Variants in JAK1 observed in about 807,000 individuals in gnomAD.
The protein encoded by JAK1 is Janus kinase 1.
Under a neutral mutation model 136.6 loss-of-function variants are expected in JAK1, and 16 were observed. The ratio of observed to expected loss-of-function variants is 0.12; its 90% CI spans 0.08 to 0.18. The LOEUF is 0.18. Ranked by LOEUF, JAK1 falls within the 10% of genes least tolerant of loss-of-function variation. JAK1 has a pLI of 1.00. For synonymous variants in JAK1, 492 were observed against 519.5 expected, an observed-to-expected ratio of 0.95 and a Z score of 0.72; for missense variants, 859 against 1,450.1, an observed-to-expected ratio of 0.59 and a Z score of 6.62.
At chr1:64,923,472 C>G (rs190852257) in intron 1 of JAK1, among the ~76,000 whole-genome samples, 3 of 152,280 alleles carry the variant, frequency 2.0e-5, no homozygotes, top group African/African-American at 7.2e-5. Context: ...ATTAAACACA[C>G]ATTTTTTAAC....
chr1:64,939,177 C>T (rs1040981388), intron 1 of JAK1, among the ~76,000 whole-genome samples: 1 of 152,228 alleles, frequency 6.6e-6, no homozygotes, highest in African/African-American at 2.4e-5. Context: ...CCCCAGGGCA[C>T]ACTTTTCTGG....
chr1:64,996,478 T>C (rs2100736948), intron 2 of JAK1, among the ~76,000 whole-genome samples: 1 of 152,374 alleles, frequency 6.6e-6, no homozygotes, highest in East Asian at 1.9e-4. Context: ...GATAATTACA[T>C]TTGTAGAGAA....
upstream of JAK1, among the ~76,000 whole-genome samples, chr1:64,969,946 C>T (rs570966255): frequency 5.0e-4 from 76 of 151,786 alleles, no homozygotes; most frequent in African/African-American, 1.7e-3. Flanking sequence ...GACCAGCTTG[C>T]GCAACATGGC....
intron 17 of JAK1, among the ~76,000 whole-genome samples, chr1:64,843,579 T>A (rs1157995950): frequency 1.3e-5 from 2 of 152,186 alleles, no homozygotes; most frequent in Non-Finnish European, 2.9e-5. Context: ...CTTTCTGGAA[T>A]TCTTACCGTT....
chr1:65,048,160 T>C (rs1203580646), intron 1 of JAK1, among the ~76,000 whole-genome samples: 1 of 151,638 alleles, frequency 6.6e-6, no homozygotes, highest in Admixed American at 6.6e-5. Context: ...CATAGCCTCA[T>C]TTGTCAAGGA....
intron 5 of JAK1, among the ~76,000 whole-genome samples, chr1:64,872,651 G>A (rs1017710153): frequency 1.3e-5 from 2 of 152,126 alleles, no homozygotes; most frequent in African/African-American, 4.8e-5. Context: ...CAAATAGTAC[G>A]CAGACATCCA....
chr1:64,970,941 C>T (rs74080232), upstream of JAK1, among the ~76,000 whole-genome samples: 3,536 of 152,228 alleles, frequency 0.023, 157 homozygotes, highest in African/African-American at 0.081. Flanking sequence ...AACCACCCAA[C>T]CATCAATCAT....
At chr1:64,973,890 G>T (rs572649878) in intron 2 of JAK1, 6 of 152,196 alleles carry the variant, frequency 3.9e-5, no homozygotes, top group African/African-American at 1.4e-4. Flanking sequence ...AATATAATGG[G>T]AAGGAAAGGG....
chr1:65,032,504 AAACAAC>A (rs148163509), intron 2 of JAK1, among the ~76,000 whole-genome samples: 25 of 151,886 alleles, frequency 1.6e-4, no homozygotes, highest in Non-Finnish European at 3.1e-4. Context: ...AATATATGCA[AAACAAC>A]AACAACAACA....
At chr1:65,018,738 C>G (rs369307681) in intron 2 of JAK1, among the ~76,000 whole-genome samples, 2 of 152,174 alleles carry the variant, frequency 1.3e-5, no homozygotes, top group Non-Finnish European at 2.9e-5. Context: ...AGGCCGGGCC[C>G]GGCGGCTCAC....
At chr1:65,029,941 C>T (rs1243308562) in intron 2 of JAK1, among the ~76,000 whole-genome samples, 1 of 150,686 alleles carries the variant, frequency 6.6e-6, no homozygotes, top group Non-Finnish European at 1.5e-5. Context: ...TACTTCTGAA[C>T]TTAAAAGTTA....
chr1:64,932,345 G>A (rs1645712343), intron 1 of JAK1, among the ~76,000 whole-genome samples: 1 of 152,092 alleles, frequency 6.6e-6, no homozygotes, highest in Admixed American at 6.6e-5. Context: ...CCAGGGAGTC[G>A]GATGTTGCAG....
In JAK1 at chr1:64,918,747, T is replaced by C. The variant is rs892877824; in HGVS notation, c.-77-32406A>G. 38 of 162,780 alleles carry C rather than the reference T, an allele frequency of 2.3e-4. 1 individual carries two copies. The East Asian group carries it at 3.3e-3, about 14-fold the overall frequency. The allele number at this position is 162,780 out of a possible 1,614,324, so 10.1% of individuals were successfully genotyped here. ...ATCTTCCAGAAGCTAGCTGCACTAT[T>C]TTCCACTTAACTAGGAAATATTTCT... On this transcript the variant is annotated intron_variant, in intron 1 of 24. Coordinates refer to ENST00000342505, the MANE Select transcript of JAK1 (RefSeq NM_002227.4).
intron 17 of JAK1, among the ~76,000 whole-genome samples, chr1:64,842,453 C>T (rs913737683): frequency 7.2e-6 from 1 of 139,798 alleles, no homozygotes; most frequent in African/African-American, 2.6e-5. Context: ...CCCCGTGGGC[C>T]CTGGGGTGGG....
At chr1:65,017,126 T>C (rs914513651) in intron 2 of JAK1, among the ~76,000 whole-genome samples, 1 of 152,090 alleles carries the variant, frequency 6.6e-6, no homozygotes, top group East Asian at 1.9e-4. Flanking sequence ...TACAATTATA[T>C]GGGAAATTAA....
chr1:64,869,342 T>G lies in JAK1; in HGVS notation c.616A>C (p.Met206Leu). 6.2e-7 allele frequency: 1 copy of G among 1,614,136 alleles called. No homozygotes were observed. The highest frequency in any genetic ancestry group is 8.5e-7 in the Non-Finnish European group (1 of 1,180,016). Residue 206 changes from methionine to leucine, a missense_variant, in exon 6 of 25, where the codon ATG (methionine) becomes CTG (leucine). Physicochemically the swap from Met to Leu is conservative, Grantham distance 15 (BLOSUM62 2). Around this residue, in one of 4 missense-constraint regions of JAK1, gnomAD observed 353 missense variants for 494.0 expected, o/e 0.71. Coordinates refer to ENST00000342505, the MANE Select transcript of JAK1 (RefSeq NM_002227.4). ...TCCTTGGGCAGTTCTGGCAACTGCA[T>G]CTTCTTCATCATGGCATAGTGTGAG... ...AISHYAMMKK[M>L]QLPELPKDIS... is the part of the protein sequence containing the mutation.
intron 2 of JAK1, chr1:64,993,215 G>C (rs910319245): frequency 6.6e-6 from 1 of 152,132 alleles, no homozygotes; most frequent in Non-Finnish European, 1.5e-5. Flanking sequence ...TTTTAAAGTC[G>C]ACTTTTAAAA....
chr1:64,876,778 T>A (rs188926812), intron 4 of JAK1, among the ~76,000 whole-genome samples: 2 of 152,144 alleles, frequency 1.3e-5, no homozygotes, highest in African/African-American at 4.8e-5. Flanking sequence ...ATATTCCTTT[T>A]CAAAATGACG....
At chr1:64,930,768 A>AT (rs1436190436) in intron 1 of JAK1, among the ~76,000 whole-genome samples, 1 of 152,190 alleles carries the variant, frequency 6.6e-6, no homozygotes, top group Non-Finnish European at 1.5e-5. Flanking sequence ...TCAATGATAG[A>AT]CTGGATATAG....
Sources: allele counts gnomAD v4.1 joint callset (sites outside exome capture counted in the v4.1 genomes callset), GRCh38; gene constraint gnomAD v4.1.1; regional missense constraint gnomAD v4.1.1; transcripts MANE v1.5; gene names NCBI Gene and HGNC (gene_info 2026-07-23, HGNC 2026-07-21).